AKR1C8: variants seen among roughly 807,000 people sequenced by gnomAD.
AKR1C8 encodes the protein aldo-keto reductase family 1 member C8.
chr10:5,173,412 G>A, the AKR1C8 span, among the ~76,000 whole-genome samples: 1 of 152,066 alleles, frequency 6.6e-6, no homozygotes, highest in Admixed American at 6.6e-5. Context: ...GAATGAGGAG[G>A]AGTGGGGTTT....
the AKR1C8 span, among the ~76,000 whole-genome samples, chr10:5,166,197 A>C: frequency 3.3e-5 from 5 of 152,138 alleles, no homozygotes; most frequent in East Asian, 5.8e-4. Flanking sequence ...TGAAGAAAAA[A>C]AATGGCCATA....
the AKR1C8 span, chr10:5,160,031 G>A: frequency 3.1e-6 from 1 of 327,428 alleles, no homozygotes; most frequent in Non-Finnish European, 6.5e-6. Flanking sequence ...ATGGGTGATA[G>A]ACCTTTAGTG....
At chr10:5,141,872 T>C in the AKR1C8 span, among the ~76,000 whole-genome samples, 1 of 152,136 alleles carries the variant, frequency 6.6e-6, no homozygotes, top group East Asian at 1.9e-4. Context: ...GCATTGGTTT[T>C]ATCCTGAAAT....
At chr10:5,134,596 A>G in the AKR1C8 span, among the ~76,000 whole-genome samples, 1 of 152,104 alleles carries the variant, frequency 6.6e-6, no homozygotes, top group Non-Finnish European at 1.5e-5. Flanking sequence ...ATTTTCCTAG[A>G]GGTGAAAGTT....
the AKR1C8 span, among the ~76,000 whole-genome samples, chr10:5,122,386 A>G: frequency 6.6e-6 from 1 of 152,212 alleles, no homozygotes; most frequent in African/African-American, 2.4e-5. Context: ...CTCAAAAGAA[A>G]GATGTGCACT....
the AKR1C8 span, among the ~76,000 whole-genome samples, chr10:5,116,285 C>T: frequency 2.0e-5 from 3 of 152,180 alleles, no homozygotes; most frequent in South Asian, 6.2e-4. Context: ...AGATGACTGT[C>T]TTTCAGTTTA....
chr10:5,173,342 C>T, the AKR1C8 span, among the ~76,000 whole-genome samples: 221 of 152,104 alleles, frequency 1.5e-3, no homozygotes, highest in African/African-American at 4.9e-3. Flanking sequence ...GCCTTTAACC[C>T]CAGTCACTTC....
the AKR1C8 span, chr10:5,162,924 C>T: frequency 1.9e-6 from 1 of 534,702 alleles, no homozygotes. Flanking sequence ...GCCTGTCCAA[C>T]CTCCTCCTCA....
At chr10:5,122,711 A>C in the AKR1C8 span, among the ~76,000 whole-genome samples, 1 of 152,286 alleles carries the variant, frequency 6.6e-6, no homozygotes, top group East Asian at 1.9e-4. Flanking sequence ...CGACAAGCAA[A>C]CACAGCTGCA....
the AKR1C8 span, among the ~76,000 whole-genome samples, chr10:5,152,545 C>T: frequency 6.6e-6 from 1 of 152,142 alleles, no homozygotes; most frequent in Non-Finnish European, 1.5e-5. Context: ...ACTTCAAGGA[C>T]TCTAGAAAAC....
chr10:5,132,527 T>C, the AKR1C8 span: 23 of 1,267,448 alleles, frequency 1.8e-5, no homozygotes, highest in Non-Finnish European at 2.3e-5. Flanking sequence ...CACCTACAGA[T>C]CCAGTTACAG....
the AKR1C8 span, among the ~76,000 whole-genome samples, chr10:5,181,280 A>G: frequency 6.6e-6 from 1 of 152,244 alleles, no homozygotes; most frequent in African/African-American, 2.4e-5. Context: ...TGGGATTGAC[A>G]TTAATAAAAA....
the AKR1C8 span, among the ~76,000 whole-genome samples, chr10:5,171,653 A>T: frequency 6.6e-6 from 1 of 152,022 alleles, no homozygotes; most frequent in Admixed American, 6.6e-5. Context: ...ACTCTTTTTA[A>T]CCCTTTATAA....
the AKR1C8 span, among the ~76,000 whole-genome samples, chr10:5,167,003 C>T: frequency 1.3e-5 from 2 of 151,356 alleles, no homozygotes; most frequent in East Asian, 1.9e-4. Context: ...CAAAAGAAGA[C>T]ATTTATGCAG....
chr10:5,155,871 C>A, the AKR1C8 span: 6 of 367,916 alleles, frequency 1.6e-5, 2 homozygotes, highest in South Asian at 1.3e-4. Context: ...GAAGCATTTT[C>A]ATCCTCATCA....
chr10:5,135,871 G>GT, the AKR1C8 span, among the ~76,000 whole-genome samples: 10 of 151,790 alleles, frequency 6.6e-5, no homozygotes, highest in South Asian at 2.1e-4. Flanking sequence ...AATATTTTGG[G>GT]TTTTTTTTCT....
chr10:5,140,821 T>G, the AKR1C8 span, among the ~76,000 whole-genome samples: 2 of 137,136 alleles, frequency 1.5e-5, no homozygotes, highest in Non-Finnish European at 3.2e-5. Flanking sequence ...ACCCTAGAAC[T>G]TAAAGTATAA....
chr10:5,158,780 C>A, the AKR1C8 span: 1 of 465,184 alleles, frequency 2.1e-6, no homozygotes, highest in South Asian at 1.6e-5. Flanking sequence ...TAAAATTGGT[C>A]TGAAGGAATG....
At chr10:5,176,612 A>G in the AKR1C8 span, among the ~76,000 whole-genome samples, 1 of 151,928 alleles carries the variant, frequency 6.6e-6, no homozygotes, top group East Asian at 1.9e-4. Context: ...ACCCATGAGC[A>G]TGGAATGTTC....
Sources: gnomAD v4.1 joint callset for allele counts (sites outside exome capture counted in the v4.1 genomes callset) on GRCh38, gnomAD v4.1.1 for gene constraint, MANE v1.5 for transcripts, NCBI Gene and HGNC (gene_info 2026-07-23, HGNC 2026-07-21) for gene names.